The following BACH2 variants were observed in gnomAD, a reference collection of about 807,000 sequenced individuals.
BACH2 encodes the protein transcription regulator protein BACH2.
A neutral mutation model predicts 61.8 loss-of-function variants in BACH2; 5 were observed. The ratio of observed to expected loss-of-function variants is 0.08; its 90% CI spans 0.04 to 0.17. The LOEUF is 0.17. Ranked by LOEUF, BACH2 falls within the 10% of genes least tolerant of loss-of-function variation. The pLI is 1.00. For synonymous variants in BACH2, 446 were observed against 440.1 expected (o/e 1.01, Z -0.17); for missense variants, 824 against 1,091.1 (o/e 0.76, Z 3.45).
At chr6:90,044,775 AG>A (rs1779704819) in intron 5 of BACH2, among the ~76,000 whole-genome samples, 1 of 152,196 alleles carries the variant, frequency 6.6e-6, no homozygotes, top group African/African-American at 2.4e-5. Context: ...GATGGCACCA[AG>A]GATTTCAGCT....
chr6:89,976,498 T>C (rs1365209868), intron 6 of BACH2, among the ~76,000 whole-genome samples: 1 of 152,216 alleles, frequency 6.6e-6, no homozygotes, highest in East Asian at 1.9e-4. Flanking sequence ...TGTGGCCTTA[T>C]ACTTGCTCCT....
At chr6:90,074,491 T>C (rs996616392) in intron 5 of BACH2, among the ~76,000 whole-genome samples, 6 of 152,100 alleles carry the variant, frequency 3.9e-5, no homozygotes, top group Non-Finnish European at 5.9e-5. Context: ...AGTGCTCACA[T>C]TAAGGGGTTG....
At chr6:90,163,586 A>C (rs545280018) in intron 4 of BACH2, among the ~76,000 whole-genome samples, 1 of 152,258 alleles carries the variant, frequency 6.6e-6, no homozygotes, top group Admixed American at 6.5e-5. Flanking sequence ...ATTGATTTAA[A>C]AATATTTTAA....
intron 2 of BACH2, among the ~76,000 whole-genome samples, chr6:90,253,124 G>GCGGTATGCAGCGGTATGCA (rs1770863557): frequency 6.6e-6 from 1 of 152,136 alleles, no homozygotes; most frequent in Admixed American, 6.5e-5. Flanking sequence ...TGCAACTGTA[G>GCGGTATGCAGCGGTATGCA]ACCCAGCTAC....
chr6:89,962,314 TTCAG>T (rs1774790501), intron 6 of BACH2, among the ~76,000 whole-genome samples: 1 of 152,228 alleles, frequency 6.6e-6, no homozygotes, highest in Non-Finnish European at 1.5e-5. Context: ...TGGTCATTCA[TTCAG>T]TCATTCTCCT....
chr6:90,280,710 C>T (rs538956477), intron 1 of BACH2, among the ~76,000 whole-genome samples: 4 of 152,294 alleles, frequency 2.6e-5, no homozygotes, highest in African/African-American at 7.2e-5. Context: ...GATGCCGATG[C>T]TGCTGGTCCA....
In BACH2 at chr6:89,983,971, T is replaced by C. The variant is rs1202143285; in HGVS notation, c.243+24631A>G. On this transcript the variant is annotated intron_variant, in intron 6 of 8. Transcript: ENST00000257749. ...CAACAACCTGGCTGTTGTCTCTTTC[T>C]TCCCCGATCCTTCCTTTGTATAGGT... is the stretch of plus-strand genomic sequence containing the variant. Among the ~76,000 whole-genome samples the C allele has an allele frequency of 2.0e-5, 3 of 152,240 alleles. No homozygotes were observed. In the East Asian group the frequency reaches 5.8e-4, roughly 29 times the overall value.
intron 5 of BACH2, among the ~76,000 whole-genome samples, chr6:90,036,016 G>A (rs1779244568): frequency 6.6e-6 from 1 of 151,864 alleles, no homozygotes; most frequent in Non-Finnish European, 1.5e-5. Context: ...GGGGTTATGT[G>A]TAAGATTGGG....
intron 2 of BACH2, among the ~76,000 whole-genome samples, chr6:90,270,198 G>C (rs558241232): frequency 6.6e-6 from 1 of 152,162 alleles, no homozygotes; most frequent in African/African-American, 2.4e-5. Context: ...ACATGCATGT[G>C]CAAGTGTCTT....
At chr6:90,218,422 T>C (rs762823205) in intron 3 of BACH2, among the ~76,000 whole-genome samples, 5 of 152,116 alleles carry the variant, frequency 3.3e-5, no homozygotes, top group African/African-American at 7.2e-5. Flanking sequence ...GCAAAATTCC[T>C]ATGCTCCTCA....
chr6:90,017,245 TTTTC>T (rs2127783754), intron 5 of BACH2, among the ~76,000 whole-genome samples: 2 of 151,788 alleles, frequency 1.3e-5, no homozygotes, highest in South Asian at 4.1e-4. Flanking sequence ...GGATAGTTTC[TTTTC>T]TTTTCTTTTT....
intron 5 of BACH2, among the ~76,000 whole-genome samples, chr6:90,041,353 A>G (rs950808424): frequency 6.6e-5 from 10 of 151,656 alleles, no homozygotes; most frequent in African/African-American, 2.4e-4. Flanking sequence ...CTGATTTTAT[A>G]AAGTGGTTTT....
intron 8 of BACH2, 90 bp from the exon 9 acceptor site, chr6:89,932,980 C>A: frequency 1.5e-6 from 2 of 1,368,876 alleles, no homozygotes; most frequent in Non-Finnish European, 2.0e-6. Flanking sequence ...CTTTGTTTTG[C>A]ATCCTCCATT....
rs561570010 is a variant in BACH2, at chr6:90,029,137, C to T, written c.-12-20281G>A. Among the ~76,000 whole-genome samples the T allele has an allele frequency of 6.6e-5, 10 of 152,274 alleles. No homozygotes were observed. In the East Asian group the frequency reaches 1.9e-3, roughly 29 times the overall value. ...GACTCTCCCGGCCTGCTTCCTATCTCTGGAAATAACAATAGTTCTCTAACT... is the reference window on the plus strand; with the variant it reads ...GACTCTCCCGGCCTGCTTCCTATCTTTGGAAATAACAATAGTTCTCTAACT... On this transcript the variant is annotated intron_variant, in intron 5 of 8. Transcript: ENST00000257749.
intron 5 of BACH2, among the ~76,000 whole-genome samples, chr6:90,037,625 T>TC: frequency 6.6e-6 from 1 of 152,326 alleles, no homozygotes; most frequent in East Asian, 1.9e-4. Flanking sequence ...TAAAAGGCTC[T>TC]CCTACAGCAA....
intron 3 of BACH2, among the ~76,000 whole-genome samples, chr6:90,223,203 C>A (rs1333427763): frequency 6.6e-6 from 1 of 152,182 alleles, no homozygotes; most frequent in Non-Finnish European, 1.5e-5. Flanking sequence ...ACTTCCAACA[C>A]TTAATAAACA....
chr6:90,070,236 A>G (rs1297062101), intron 5 of BACH2, among the ~76,000 whole-genome samples: 2 of 152,094 alleles, frequency 1.3e-5, no homozygotes, highest in African/African-American at 4.8e-5. Flanking sequence ...TCTTCCTTAA[A>G]CCTCAGGCAA....
chr6:90,069,640 C>G (rs1037202001), intron 5 of BACH2, among the ~76,000 whole-genome samples: 1 of 152,114 alleles, frequency 6.6e-6, no homozygotes, highest in African/African-American at 2.4e-5. Context: ...AAAGGACTCA[C>G]CACTCCCTCC....
chr6:90,154,172 A>G (rs541255954), intron 4 of BACH2, among the ~76,000 whole-genome samples: 2 of 152,278 alleles, frequency 1.3e-5, no homozygotes, highest in South Asian at 4.1e-4. Flanking sequence ...AACCCTAGCT[A>G]TTTGCAGAGT....
Sources: gnomAD v4.1 joint callset for allele counts (sites outside exome capture counted in the v4.1 genomes callset) on GRCh38, gnomAD v4.1.1 for gene constraint, MANE v1.5 for transcripts, NCBI Gene and HGNC (gene_info 2026-07-23, HGNC 2026-07-21) for gene names.